TRIM2: variants seen among roughly 807,000 people sequenced by gnomAD.
TRIM2 encodes the protein tripartite motif-containing protein 2.
A neutral mutation model predicts 75.2 loss-of-function variants in TRIM2; 20 were observed. The ratio of observed to expected loss-of-function variants is 0.27; its 90% CI spans 0.19 to 0.39. The LOEUF is 0.39. Among genes scored for constraint, TRIM2 ranks in the 10% least tolerant of loss-of-function variants. The pLI, the probability that TRIM2 is intolerant of heterozygous loss-of-function variation, is 1.00. For synonymous variants in TRIM2, 373 were observed against 388.3 expected (o/e 0.96, Z 0.46); for missense variants, 660 against 990.8 (o/e 0.67, Z 4.48).
chr4:153,200,176 A>G (rs1734188633), upstream of TRIM2, among the ~76,000 whole-genome samples: 1 of 151,954 alleles, frequency 6.6e-6, no homozygotes. Context: ...CCTTACCTCA[A>G]GTGATCGGCC....
At chr4:153,264,746 G>T (rs1168311974) in intron 1 of TRIM2, among the ~76,000 whole-genome samples, 2 of 152,154 alleles carry the variant, frequency 1.3e-5, no homozygotes, top group African/African-American at 4.8e-5. Flanking sequence ...GTTCTTCTGA[G>T]CACATTGTCC....
intron 3 of TRIM2, among the ~76,000 whole-genome samples, chr4:153,290,524 A>C (rs547355955): frequency 6.6e-6 from 1 of 152,320 alleles, no homozygotes; most frequent in East Asian, 1.9e-4. Context: ...ATTGTATCAG[A>C]CTTGTACCAA....
At position 153,335,833 on chromosome 4, in the gene TRIM2, C is replaced by T; in HGVS notation, c.*867C>T. ...TTTCACACGTGTCTCTTCTCTTCGACTTCCTGAAAGCGAAAGCTTTACCTC... is the reference window on the plus strand; with the variant it reads ...TTTCACACGTGTCTCTTCTCTTCGATTTCCTGAAAGCGAAAGCTTTACCTC... On this transcript the variant is annotated 3_prime_UTR_variant, in exon 12 of 12. Coordinates refer to ENST00000338700, the MANE Select transcript of TRIM2 (RefSeq NM_015271.5). 2.0e-6 allele frequency: 2 copies of T among 985,812 alleles called. No individual in the cohort carries two copies. The highest frequency in any genetic ancestry group is 1.0e-3 in the Middle Eastern group (2 of 1,914). The allele number at this position is 985,812 out of a possible 1,614,324, so 61.1% of individuals were successfully genotyped here.
chr4:153,333,756 C>T (rs1265376362), intron 11 of TRIM2, among the ~76,000 whole-genome samples: 2 of 151,764 alleles, frequency 1.3e-5, no homozygotes, highest in African/African-American at 2.4e-5. Context: ...AAAAATAATA[C>T]GAATTGTAAA....
In TRIM2 at chr4:153,286,716, T is replaced by C. The variant is rs79394238; in HGVS notation, c.454-6266T>C. Among the ~76,000 whole-genome samples the C allele has an allele frequency of 6.4e-3, 970 of 152,038 alleles. 4 individuals carry two copies. The highest frequency in any genetic ancestry group is 0.012 in the South Asian group (60 of 4,814). On this transcript the variant is annotated intron_variant, in intron 3 of 11. Coordinates refer to ENST00000338700, the MANE Select transcript of TRIM2 (RefSeq NM_015271.5). The stretch of plus-strand genomic sequence containing the variant: ...ATTTTTGTAATTTGAGTCTTCTTTC[T>C]CTCTTCTCCCACACCACCCCTGCCA...
intron 8 of TRIM2, among the ~76,000 whole-genome samples, chr4:153,319,867 G>T (rs17029866): frequency 0.045 from 6,900 of 152,156 alleles, 506 homozygotes; most frequent in African/African-American, 0.16. Context: ...GTGATGAAGG[G>T]AAGTGTAAAG....
At chr4:153,207,470 A>G (rs937576933) in intron 1 of TRIM2, among the ~76,000 whole-genome samples, 37 of 152,360 alleles carry the variant, frequency 2.4e-4, no homozygotes, top group Admixed American at 3.9e-4. Context: ...CTTCAGCCAA[A>G]TAATGGGATG....
In TRIM2 at chr4:153,339,030, A is replaced by T. The variant is rs1271540158; in HGVS notation, c.*4064A>T. ...TAGGTCTGTTTCATATGTTTTATGT[A>T]TAGAACACTAAGTCTTGCACTCTCT... On this transcript the variant is annotated 3_prime_UTR_variant, in exon 12 of 12. Coordinates refer to ENST00000338700, the MANE Select transcript of TRIM2 (RefSeq NM_015271.5). 1 of 983,172 alleles carries T rather than the reference A, an allele frequency of 1.0e-6. No individual in the cohort carries two copies. The highest frequency in any genetic ancestry group is 1.8e-5 in the African/African-American group (1 of 56,230). The allele number at this position is 983,172 out of a possible 1,614,324, so 60.9% of individuals were successfully genotyped here. A position where few individuals can be genotyped will look rare whatever the true frequency, so the allele number is the denominator to read the frequency against.
intron 6 of TRIM2, among the ~76,000 whole-genome samples, chr4:153,314,506 G>T (rs1767162141): frequency 6.6e-6 from 1 of 151,036 alleles, no homozygotes; most frequent in Admixed American, 6.6e-5. Flanking sequence ...CCAACTAGTT[G>T]AGAGGCTGAC....
chr4:153,312,059 AC>A (rs1766479257), intron 6 of TRIM2, among the ~76,000 whole-genome samples: 1 of 95,680 alleles, frequency 1.0e-5, no homozygotes, highest in Non-Finnish European at 2.2e-5. Flanking sequence ...TGCTATCCCT[AC>A]CCCCTCCCCC....
intron 1 of TRIM2, among the ~76,000 whole-genome samples, chr4:153,256,120 T>A: frequency 6.6e-6 from 1 of 152,244 alleles, no homozygotes; most frequent in East Asian, 1.9e-4. Flanking sequence ...GGTATGTGAA[T>A]TACAATTCAA....
chr4:153,261,505 A>G (rs1040392111), intron 1 of TRIM2, among the ~76,000 whole-genome samples: 8 of 152,200 alleles, frequency 5.3e-5, no homozygotes, highest in Non-Finnish European at 5.9e-5. Context: ...GGAATGCCAT[A>G]AAATTAGACT....
Position 153,322,746 on chromosome 4 carries a change from T to C in TRIM2, c.1881T>C (p.Phe627=). The change falls in exon 9 of 12, where the codon TTT becomes TTC. Residue 627 remains phenylalanine (F), a synonymous_variant. Transcript: ENST00000338700. ...TGGACAACAAGGCGTGCTGCGTGTTTATCTTCCAGCCAAACGGGAAAATAG... is the reference window on the plus strand; with the variant it reads ...TGGACAACAAGGCGTGCTGCGTGTTCATCTTCCAGCCAAACGGGAAAATAG... ...IVVDNKACCV[F]IFQPNGKIVT... is the part of the protein sequence containing the mutation. 1 of 1,614,260 alleles carries C rather than the reference T, an allele frequency of 6.2e-7. No homozygotes were observed. The highest frequency in any genetic ancestry group is 8.5e-7 in the Non-Finnish European group (1 of 1,180,046).
At chr4:153,167,003 G>T (rs1255757868) in intron 1 of TRIM2, among the ~76,000 whole-genome samples, 1 of 152,160 alleles carries the variant, frequency 6.6e-6, no homozygotes, top group Non-Finnish European at 1.5e-5. Context: ...GGCTGTCAGG[G>T]TGTGTGTGGT....
chr4:153,277,628 A>C (rs1421164771), intron 3 of TRIM2, among the ~76,000 whole-genome samples: 1 of 152,216 alleles, frequency 6.6e-6, no homozygotes, highest in African/African-American at 2.4e-5. Flanking sequence ...TCACTTTATA[A>C]GATGAAGAAA....
At chr4:153,231,193 A>G in intron 1 of TRIM2, among the ~76,000 whole-genome samples, 1 of 152,190 alleles carries the variant, frequency 6.6e-6, no homozygotes, top group East Asian at 1.9e-4. Flanking sequence ...AGTGTCTGGA[A>G]AAGTGGTTTT....
At chr4:153,184,047 C>T (rs987870686) in intron 1 of TRIM2, among the ~76,000 whole-genome samples, 3 of 152,160 alleles carry the variant, frequency 2.0e-5, no homozygotes, top group Non-Finnish European at 4.4e-5. Flanking sequence ...CAGTGGAAGG[C>T]TAAGCTGCAT....
chr4:153,310,760 T>A (rs1437795423), intron 6 of TRIM2, among the ~76,000 whole-genome samples: 1 of 152,200 alleles, frequency 6.6e-6, no homozygotes, highest in African/African-American at 2.4e-5. Context: ...AAAGAAAAGA[T>A]TTTTTAAAAA....
At chr4:153,228,530 C>G (rs1158350001) in intron 1 of TRIM2, among the ~76,000 whole-genome samples, 1 of 152,226 alleles carries the variant, frequency 6.6e-6, no homozygotes, top group African/African-American at 2.4e-5. Context: ...TCTTTAGCTT[C>G]TCAATCTTAG....
Sources: gnomAD v4.1 joint callset for allele counts (sites outside exome capture counted in the v4.1 genomes callset) on GRCh38, gnomAD v4.1.1 for gene constraint, MANE v1.5 for transcripts, NCBI Gene and HGNC (gene_info 2026-07-23, HGNC 2026-07-21) for gene names.